Variants in PBRM1 observed in about 807,000 individuals in gnomAD.
PBRM1 encodes the protein polybromo 1.
Under a neutral mutation model 194.5 loss-of-function variants are expected in PBRM1, and 27 were observed. The observed-to-expected ratio is 0.14, with a 90% CI of 0.10 to 0.19. The LOEUF (loss-of-function observed/expected upper bound fraction) is 0.19. Ranked by LOEUF, PBRM1 falls within the 10% of genes least tolerant of loss-of-function variation. The pLI, the probability that PBRM1 is intolerant of heterozygous loss-of-function variation, is 1.00. For missense variants in PBRM1, 1,466 were observed against 2,077.2 expected (o/e 0.71, Z 5.72); for synonymous variants, 655 against 693.2 (o/e 0.94, Z 0.87).
chr3:52,616,195 C>T (rs759878336), intron 14 of PBRM1, among the ~76,000 whole-genome samples: 1 of 152,140 alleles, frequency 6.6e-6, no homozygotes, highest in Non-Finnish European at 1.5e-5. Flanking sequence ...ACTGTGTAAA[C>T]CCTTAAGATA....
At chr3:52,599,017 TCAAAA>T (rs2093781140) in intron 17 of PBRM1, among the ~76,000 whole-genome samples, 1 of 62,014 alleles carries the variant, frequency 1.6e-5, no homozygotes, top group Admixed American at 1.9e-4. Flanking sequence ...GCCAGATATC[TCAAAA>T]AAAAAAAAAA....
downstream of PBRM1, chr3:52,547,085 A>G (rs1326574626): frequency 1.3e-5 from 3 of 233,108 alleles, no homozygotes; most frequent in African/African-American, 2.2e-5. Context: ...GTTAGGTGTT[A>G]TGTTTAAAAA....
intron 15 of PBRM1, among the ~76,000 whole-genome samples, chr3:52,613,817 C>A (rs916807932): frequency 3.0e-4 from 45 of 152,002 alleles, no homozygotes; most frequent in Non-Finnish European, 2.9e-4. Flanking sequence ...CAGGGAGACC[C>A]TGCCTCTATT....
intron 4 of PBRM1, among the ~76,000 whole-genome samples, chr3:52,659,386 T>C (rs1274499086): frequency 6.6e-6 from 1 of 152,204 alleles, no homozygotes; most frequent in Admixed American, 6.5e-5. Context: ...TGTGTCCTAA[T>C]CCAACAGAAG....
chr3:52,638,702 T>C (rs1329459525), intron 10 of PBRM1, among the ~76,000 whole-genome samples: 2 of 151,972 alleles, frequency 1.3e-5, no homozygotes, highest in African/African-American at 4.8e-5. Context: ...CAGGCAATCC[T>C]CCTGCCTTAG....
At chr3:52,627,619 T>C (rs1053234839) in intron 12 of PBRM1, among the ~76,000 whole-genome samples, 3 of 152,168 alleles carry the variant, frequency 2.0e-5, no homozygotes, top group African/African-American at 7.2e-5. Context: ...TTTATGACTA[T>C]AATGGGTGCT....
At position 52,676,153 on chromosome 3, in the gene PBRM1, TAA is replaced by T. The variant is rs2097099581; in HGVS notation, c.236+2345_236+2346del. ...AAAAAAAAAAAAAAAAAAAAAAAAA[TAA>T]TGAATGAAGCGGGATCCTTACCTAA... On this transcript the variant is annotated intron_variant, in intron 2 of 29. Coordinates refer to ENST00000296302, the Ensembl canonical transcript of PBRM1. 7.0e-5 allele frequency among the ~76,000 whole-genome samples: 5 copies of T among 71,102 alleles called. No individual in the cohort carries two copies. In the South Asian group the frequency reaches 1.6e-3, roughly 23 times the overall value. The allele number at this position is 71,102 out of a possible 152,430, so 46.6% of individuals were successfully genotyped here.
intron 15 of PBRM1, among the ~76,000 whole-genome samples, chr3:52,613,079 T>A (rs2094732395): frequency 6.6e-6 from 1 of 152,168 alleles, no homozygotes; most frequent in African/African-American, 2.4e-5. Context: ...TTAGGTATGA[T>A]AATTACTTCA....
chr3:52,620,239 G>C (rs571146942), intron 13 of PBRM1, among the ~76,000 whole-genome samples: 1 of 152,154 alleles, frequency 6.6e-6, no homozygotes, highest in African/African-American at 2.4e-5. Context: ...TAACCTTCAG[G>C]AAGTCTCTAA....
intron 27 of PBRM1, among the ~76,000 whole-genome samples, chr3:52,551,486 C>T (rs117241485): frequency 6.6e-6 from 1 of 152,256 alleles, no homozygotes; most frequent in East Asian, 1.9e-4. Flanking sequence ...ACTTCATGGC[C>T]CTACTAGATT....
chr3:52,663,987 G>A (rs922657644), intron 3 of PBRM1, among the ~76,000 whole-genome samples: 3 of 151,644 alleles, frequency 2.0e-5, no homozygotes, highest in African/African-American at 4.9e-5. Context: ...GTGAACCGGG[G>A]AGGCGGAGCT....
rs1486102379 is a variant in PBRM1 at position 52,613,589 on chromosome 3, C to G, written c.1924+1762G>C. Among the ~76,000 whole-genome samples the G allele has an allele frequency of 2.6e-5, 4 of 152,092 alleles. 1 individual carries two copies. Among genetic ancestry groups the G allele is most frequent in the Admixed American group, 2.6e-4 (4 of 15,276 alleles). Reference sequence around the variant, plus strand: ...AAACTCCTGGGCTGAAGTGATCCTCCTGCCTTGGCCTCCGAACGCACTGGA... The same window carrying G: ...AAACTCCTGGGCTGAAGTGATCCTCGTGCCTTGGCCTCCGAACGCACTGGA... On this transcript the variant is annotated intron_variant, in intron 15 of 29. Coordinates refer to ENST00000296302, the Ensembl canonical transcript of PBRM1.
At chr3:52,650,305 A>T (rs1465098503) in intron 6 of PBRM1, among the ~76,000 whole-genome samples, 1 of 142,858 alleles carries the variant, frequency 7.0e-6, no homozygotes, top group Non-Finnish European at 1.5e-5. Flanking sequence ...GGAGGTTTGC[A>T]GTGAGGTGAG....
chr3:52,591,507 CTT>C (rs1452647187), intron 17 of PBRM1, among the ~76,000 whole-genome samples: 1 of 98,020 alleles, frequency 1.0e-5, no homozygotes, highest in Non-Finnish European at 2.2e-5. Context: ...TAGTTTTTGT[CTT>C]TGTTTTTTTT....
chr3:52,619,988 T>C (rs142459880), intron 13 of PBRM1, among the ~76,000 whole-genome samples: 2 of 152,360 alleles, frequency 1.3e-5, no homozygotes, highest in Non-Finnish European at 2.9e-5. Flanking sequence ...ATTCCTGCCA[T>C]TTTCTCCCCT....
chr3:52,585,227 CT>C (rs2092182097), intron 20 of PBRM1, among the ~76,000 whole-genome samples: 1 of 152,088 alleles, frequency 6.6e-6, no homozygotes, highest in South Asian at 2.1e-4. Context: ...TCAAGATTAT[CT>C]TGGCTTTGCA....
intron 17 of PBRM1, among the ~76,000 whole-genome samples, chr3:52,596,296 G>A (rs904864317): frequency 6.6e-6 from 1 of 151,576 alleles, no homozygotes; most frequent in South Asian, 2.1e-4. Context: ...AAATTAGCTG[G>A]GTTTGGTGGT....
intron 15 of PBRM1, among the ~76,000 whole-genome samples, chr3:52,612,274 A>AAAAAAAAAAAAAC (rs2094672958): frequency 6.7e-6 from 1 of 149,236 alleles, no homozygotes; most frequent in African/African-American, 2.5e-5. Flanking sequence ...AAAAAAAAAA[A>AAAAAAAAAAAAAC]AAAAAAAAGA....
At chr3:52,547,994 C>A in exon 30 of PBRM1, 1 of 1,339,054 alleles carries the variant, frequency 7.5e-7, no homozygotes, top group South Asian at 1.3e-5. Context: ...CCCCCCACCC[C>A]CAGTAACTAA....
Sources: allele counts gnomAD v4.1 joint callset (sites outside exome capture counted in the v4.1 genomes callset), GRCh38; gene constraint gnomAD v4.1.1; transcripts MANE v1.5; gene names NCBI Gene and HGNC (gene_info 2026-07-23, HGNC 2026-07-21).